The following CRISP3 variants were observed in gnomAD, a reference collection of about 807,000 sequenced individuals.
The protein encoded by CRISP3 is cysteine-rich secretory protein 3.
Under a neutral mutation model 36.1 loss-of-function variants are expected in CRISP3, and 33 were observed. The ratio of observed to expected loss-of-function variants is 0.91; its 90% CI spans 0.69 to 1.22. CRISP3 has a LOEUF of 1.22. Ranked by LOEUF, CRISP3 falls within the 50% of genes most tolerant of loss-of-function variation. The pLI, the probability that CRISP3 is intolerant of heterozygous loss-of-function variation, is 0.00. For missense variants in CRISP3, 330 were observed against 301.2 expected, an observed-to-expected ratio of 1.10 and a Z score of -0.71; for synonymous variants, 117 against 104.6, an observed-to-expected ratio of 1.12 and a Z score of -0.72.
chr6:49,736,684 T>G (rs1439475374), intron 2 of CRISP3, among the ~76,000 whole-genome samples, 177 bp from the exon 3 acceptor site: 2 of 152,120 alleles, frequency 1.3e-5, no homozygotes, highest in African/African-American at 4.8e-5. Context: ...TAGATGAAAG[T>G]TTTCAGAATG....
intron 1 of CRISP3, among the ~76,000 whole-genome samples, chr6:49,740,936 C>T (rs1769183383): frequency 6.6e-6 from 1 of 151,606 alleles, no homozygotes; most frequent in Non-Finnish European, 1.5e-5. Flanking sequence ...CCCATCTCTA[C>T]TAAAAATACA....
rs1200504101 is a variant in CRISP3, at chr6:49,733,825, A to T, written c.340T>A (p.Tyr114Asn). The T allele has an allele frequency of 1.2e-6, 2 of 1,613,660 alleles. No homozygotes were observed. Among genetic ancestry groups the T allele is most frequent in the East Asian group, 2.2e-5 (1 of 44,876 alleles). Residue 114 changes from tyrosine to asparagine, a missense_variant, in exon 5 of 8, where the codon TAC becomes AAC. Transcript: ENST00000263045. ...MTSLKCGENL[Y>N]MSSASSSWSQ... Reference sequence around the variant, plus strand: ...CATGAGCTGGAGGCACTTGACATGTAGAGATTCTCACCACATTTTAGACCT... The same window carrying T: ...CATGAGCTGGAGGCACTTGACATGTTGAGATTCTCACCACATTTTAGACCT...
rs966026069 is a variant in CRISP3, at chr6:49,731,322, AG to A, written c.561-72del. ...TCGTTTATGTTCCAAGGTTAGTATC[AG>A]TCACCAAATATACATGAGTATTTAT... On this transcript the variant is annotated intron_variant, in intron 6 of 7. Coordinates refer to ENST00000263045, the MANE Select transcript of CRISP3 (RefSeq NM_006061.4). 4.3e-4 allele frequency: 360 copies of A among 842,502 alleles called. 2 individuals are homozygous for A. Among genetic ancestry groups the A allele is most frequent in the Non-Finnish European group, 1.2e-4 (61 of 527,968 alleles). The allele number at this position is 842,502 out of a possible 1,614,324, so 52.2% of individuals were successfully genotyped here.
intron 1 of CRISP3, among the ~76,000 whole-genome samples, chr6:49,738,951 C>T (rs999447876): frequency 2.0e-5 from 3 of 151,324 alleles, no homozygotes; most frequent in Non-Finnish European, 4.4e-5. Flanking sequence ...CTTTTGATAA[C>T]AAGTGTGGTT....
chr6:49,728,754 G>C lies in CRISP3; in HGVS notation c.753C>G (p.Cys251Trp). The change falls in exon 8 of 8, where the codon TGC (cysteine) becomes TGG (tryptophan). Residue 251 changes from cysteine to tryptophan, a missense_variant. Transcript: ENST00000263045. ...QLVRDSCKAS[C>W]NCSNSIY ...TTTAATAAATGCTGTTTGAACAATTGCAGGAGGCCTTGCAACTGTCCCTGA... is the reference window on the plus strand; with the variant it reads ...TTTAATAAATGCTGTTTGAACAATTCCAGGAGGCCTTGCAACTGTCCCTGA... The C allele has an allele frequency of 1.2e-6, 2 of 1,611,740 alleles. No homozygotes were observed. The highest frequency in any genetic ancestry group is 1.7e-6 in the Non-Finnish European group (2 of 1,178,800).
In CRISP3 at chr6:49,744,355, G is replaced by T. The variant is rs1440765196; in HGVS notation, c.13C>A (p.Leu5Ile). The T allele has an allele frequency of 6.5e-7, 1 of 1,533,200 alleles. No individual in the cohort carries two copies. The highest frequency in any genetic ancestry group is 8.7e-7 in the Non-Finnish European group (1 of 1,144,942). The allele number at this position is 1,533,200 out of a possible 1,614,324, so 95.0% of individuals were successfully genotyped here. Residue 5 changes from leucine to isoleucine, a missense_variant, in exon 1 of 8, where the codon CTT becomes ATT. Transcript: ENST00000263045. ...CCAGTGGTTTCCAGAGCAGGATGAA[G>T]TATTTGTTTCATCTATTGACAGAAG... MKQI[L>I]HPALETTAMT...
chr6:49,739,261 A>G lies in CRISP3; in HGVS notation c.38-1863T>C, dbSNP rs75216117. Reference sequence around the variant, plus strand: ...ATTCTTATTTTCATTTGTAAGTCAAAGACAATTAGGTATTCTTCTTTCCTT... The same window carrying G: ...ATTCTTATTTTCATTTGTAAGTCAAGGACAATTAGGTATTCTTCTTTCCTT... On this transcript the variant is annotated intron_variant, in intron 1 of 7. Coordinates refer to ENST00000263045, the MANE Select transcript of CRISP3 (RefSeq NM_006061.4). Among the ~76,000 whole-genome samples the G allele has an allele frequency of 5.8e-3, 889 of 152,326 alleles. 15 individuals carry two copies. The highest frequency in any genetic ancestry group is 0.02 in the African/African-American group (849 of 41,570).
intron 1 of CRISP3, among the ~76,000 whole-genome samples, chr6:49,742,208 T>G (rs1307653712): frequency 6.6e-6 from 1 of 152,108 alleles, no homozygotes; most frequent in Non-Finnish European, 1.5e-5. Flanking sequence ...CTGAATAAAT[T>G]GAGAGTTTTG....
Position 49,739,462 on chromosome 6 carries a change from A to G in CRISP3, c.38-2064T>C, listed in dbSNP as rs562153487. Among the ~76,000 whole-genome samples, 8 of 152,310 alleles carry G rather than the reference A, an allele frequency of 5.3e-5. No individual in the cohort carries two copies. In the East Asian group the frequency reaches 1.5e-3, roughly 29 times the overall value. On this transcript the variant is annotated intron_variant, in intron 1 of 7. Transcript: ENST00000263045. The stretch of plus-strand genomic sequence containing the variant: ...GCTGGTTGAATTTTCTCATGTGTGC[A>G]AAAGAGGAGAGTAAAATTTTATTTC...
intron 1 of CRISP3, among the ~76,000 whole-genome samples, chr6:49,741,007 A>C (rs1026726628): frequency 6.6e-6 from 1 of 151,998 alleles, no homozygotes; most frequent in African/African-American, 2.4e-5. Context: ...AGGCTGAGGC[A>C]GGAGAATGGC....
At chr6:49,733,358 G>A in intron 5 of CRISP3, 66 bp from the exon 6 acceptor site, 1 of 1,058,650 alleles carries the variant, frequency 9.4e-7, no homozygotes, top group South Asian at 1.5e-5. Flanking sequence ...AAAACAAATA[G>A]TAGGAAATAC....
intron 1 of CRISP3, among the ~76,000 whole-genome samples, chr6:49,738,669 G>A (rs1465085983): frequency 6.6e-6 from 1 of 152,036 alleles, no homozygotes; most frequent in Non-Finnish European, 1.5e-5. Flanking sequence ...CCCCAGACTG[G>A]TTCCCAGCAC....
rs760450668 is a variant in CRISP3, at chr6:49,736,361, A to G, written c.228+30T>C. The stretch of plus-strand genomic sequence containing the variant: ...CCTACTCCTTCCACAGCTTGTTCAC[A>G]CCCCTCTCCTTTGCAATATCACCTC... On this transcript the variant is annotated intron_variant, in intron 3 of 7. Transcript: ENST00000263045. The G allele has an allele frequency of 2.4e-5, 34 of 1,428,794 alleles. No individual in the cohort carries two copies. The South Asian group carries it at 4.0e-4, about 17-fold the overall frequency. The allele number at this position is 1,428,794 out of a possible 1,614,324, so 88.5% of individuals were successfully genotyped here.
chr6:49,729,233 A>C (rs571462019), intron 7 of CRISP3, among the ~76,000 whole-genome samples: 1 of 152,264 alleles, frequency 6.6e-6, no homozygotes, highest in East Asian at 1.9e-4. Flanking sequence ...ATCAAATAAA[A>C]TTAAAATTTC....
chr6:49,739,354 TCAAGTGAA>T (rs1007654938), intron 1 of CRISP3, among the ~76,000 whole-genome samples: 4 of 152,220 alleles, frequency 2.6e-5, no homozygotes, highest in Admixed American at 1.3e-4. Flanking sequence ...CTGCACATGA[TCAAGTGAA>T]CAAGACTTGG....
intron 1 of CRISP3, 96 bp from the exon 2 acceptor site, chr6:49,737,494 A>C: frequency 1.7e-6 from 2 of 1,209,808 alleles, no homozygotes; most frequent in Non-Finnish European, 2.4e-6. Flanking sequence ...AATGACCTCC[A>C]TTATCCCAAA....
At chr6:49,735,706 A>G (rs1379602604) in intron 3 of CRISP3, 115 bp from the exon 4 acceptor site, 7 of 662,770 alleles carry the variant, frequency 1.1e-5, no homozygotes, top group Non-Finnish European at 5.1e-6. Context: ...CTGTACAAGC[A>G]TCTTCTGATT....
rs149267211 is a variant in CRISP3, at chr6:49,733,839, C to T, written c.326G>A (p.Cys109Tyr). The T allele has an allele frequency of 5.7e-5, 92 of 1,613,170 alleles. No individual in the cohort carries two copies. The highest frequency in any genetic ancestry group is 3.3e-4 in the Middle Eastern group (2 of 6,082). ...ACTTGACATGTAGAGATTCTCACCA[C>T]ATTTTAGACCTAAGAAGGAACAGAC... ...NPKDRMTSLKCGENLYMSSAS... is the reference protein window; with the variant it reads ...NPKDRMTSLKYGENLYMSSAS... Residue 109 changes from cysteine (C) to tyrosine (Y), a missense_variant, in exon 5 of 8, where the codon TGT (cysteine) becomes TAT (tyrosine). Transcript: ENST00000263045.
At chr6:49,733,917 CACACACT>C (rs1768979557) in intron 4 of CRISP3, 69 bp from the exon 5 acceptor site, 1 of 1,303,582 alleles carries the variant, frequency 7.7e-7, no homozygotes, top group East Asian at 2.3e-5. Context: ...CACAAACACA[CACACACT>C]ACACACAGCA....
Sources: gnomAD v4.1 joint callset for allele counts (sites outside exome capture counted in the v4.1 genomes callset) on GRCh38, gnomAD v4.1.1 for gene constraint, MANE v1.5 for transcripts, NCBI Gene and HGNC (gene_info 2026-07-23, HGNC 2026-07-21) for gene names.